The following DENR variants were observed in gnomAD, a reference collection of about 807,000 sequenced individuals.
DENR encodes the protein density regulated re-initiation and release factor.
In DENR, 6 loss-of-function variants were observed where a neutral mutation model predicts 30.6. The observed-to-expected ratio is 0.20, with a 90% confidence interval of 0.11 to 0.39. The LOEUF (loss-of-function observed/expected upper bound fraction) is 0.39. Ranked by LOEUF, DENR falls within the 10% of genes least tolerant of loss-of-function variation. The pLI, the probability that DENR is intolerant of heterozygous loss-of-function variation, is 1.00. For synonymous variants in DENR, 78 were observed against 72.1 expected (o/e 1.08, Z -0.41); for missense variants, 141 against 230.9 (o/e 0.61, Z 2.52).
In DENR at chr12:122,770,770, A is replaced by G; in HGVS notation, c.*1692A>G. On this transcript the variant is annotated 3_prime_UTR_variant, in exon 8 of 8. Transcript: ENST00000280557. ...AATGAGTGTTTTTTAAAAATAAAGT[A>G]TTAGAAAAATGTGTAGTAAAGATGT... 1 of 398,466 alleles carries G rather than the reference A, an allele frequency of 2.5e-6. No individual in the cohort carries two copies. Among genetic ancestry groups the G allele is most frequent in the Non-Finnish European group, 4.4e-6 (1 of 226,016 alleles). 24.7% of individuals were successfully genotyped at this position (398,466 alleles called of 1,614,324 possible). A position where few individuals can be genotyped will look rare whatever the true frequency, so the allele number is the denominator to read the frequency against.
At chr12:122,766,410 C>A (rs917847040) in intron 5 of DENR, among the ~76,000 whole-genome samples, 1 of 152,090 alleles carries the variant, frequency 6.6e-6, no homozygotes, top group African/African-American at 2.4e-5. Context: ...GGATTCTGTC[C>A]TAGGCCCACT....
At chr12:122,763,185 A>G (rs1396407982) in intron 4 of DENR, 5 of 285,354 alleles carry the variant, frequency 1.8e-5, no homozygotes, top group Non-Finnish European at 3.3e-5. Flanking sequence ...GCGGATCACA[A>G]GGTCAGGAGA....
intron 2 of DENR, among the ~76,000 whole-genome samples, chr12:122,760,480 C>G (rs1397356840): frequency 6.6e-6 from 1 of 152,008 alleles, no homozygotes; most frequent in Admixed American, 6.6e-5. Context: ...TCCTGTAATC[C>G]CAGCACTTTG....
Position 122,769,015 on chromosome 12 carries a change from AATT to A in DENR, c.553-15_553-13del. On this transcript the variant is annotated splice_polypyrimidine_tract_variant and intron_variant, in intron 7 of 7. Coordinates refer to ENST00000280557, the MANE Select transcript of DENR (RefSeq NM_003677.5). ...ATTGCAACCACAACTCATGAGATAT[AATT>A]ATTTGTGTTTTATAGGTAGATGATG... is the stretch of plus-strand genomic sequence containing the variant. 6.2e-7 allele frequency: 1 copy of A among 1,609,540 alleles called. No individual in the cohort carries two copies. Among genetic ancestry groups the A allele is most frequent in the Non-Finnish European group, 8.5e-7 (1 of 1,178,484 alleles).
intron 1 of DENR, among the ~76,000 whole-genome samples, chr12:122,753,470 C>T (rs1484597848): frequency 6.6e-6 from 1 of 152,184 alleles, no homozygotes; most frequent in Non-Finnish European, 1.5e-5. Flanking sequence ...CTGCCCCATC[C>T]TTCATGGTCC....
chr12:122,768,375 G>A (rs890351565), intron 6 of DENR, among the ~76,000 whole-genome samples: 1 of 152,100 alleles, frequency 6.6e-6, no homozygotes, highest in Non-Finnish European at 1.5e-5. Flanking sequence ...GCACATGCCT[G>A]TAATCCCAGC....
chr12:122,767,879 A>AC (rs1348460063), intron 6 of DENR, among the ~76,000 whole-genome samples: 2 of 152,146 alleles, frequency 1.3e-5, no homozygotes, highest in African/African-American at 4.8e-5. Context: ...TCTCTTTGAA[A>AC]CCAGCCAATG....
chr12:122,760,568 A>G lies in DENR; in HGVS notation c.107-1619A>G, dbSNP rs372349451. 2.0e-4 allele frequency among the ~76,000 whole-genome samples: 30 copies of G among 152,166 alleles called. No individual in the cohort carries two copies. In the East Asian group the frequency reaches 5.4e-3, roughly 27 times the overall value. Reference sequence around the variant, plus strand: ...AATACTGTGAAACCCCGTCTTTACTAAAAATACAAAAAATTAGCCGGGCGC... The same window carrying G: ...AATACTGTGAAACCCCGTCTTTACTGAAAATACAAAAAATTAGCCGGGCGC... On this transcript the variant is annotated intron_variant, in intron 2 of 7. Transcript: ENST00000280557.
In DENR at chr12:122,770,871, C is replaced by T. The variant is rs770229659; in HGVS notation, c.*1793C>T. On this transcript the variant is annotated 3_prime_UTR_variant, in exon 8 of 8. Transcript: ENST00000280557. The stretch of plus-strand genomic sequence containing the variant: ...TTACTGGTGAAGCAGATTTATCCAT[C>T]GAGACTATCTGGTATGCGTTATGTA... 1.5e-5 allele frequency: 6 copies of T among 395,910 alleles called. No individual in the cohort carries two copies. The highest frequency in any genetic ancestry group is 1.4e-4 in the South Asian group (1 of 7,018). The allele number at this position is 395,910 out of a possible 1,614,324, so 24.5% of individuals were successfully genotyped here.
intron 5 of DENR, among the ~76,000 whole-genome samples, chr12:122,766,713 C>T (rs991243258): frequency 3.3e-5 from 5 of 152,212 alleles, no homozygotes; most frequent in African/African-American, 1.2e-4. Context: ...CATTCTCTTT[C>T]TCCCTTTACT....
At chr12:122,754,176 C>T (rs991395498) in intron 2 of DENR, 5 of 261,592 alleles carry the variant, frequency 1.9e-5, no homozygotes, top group Non-Finnish European at 3.8e-5. Context: ...CCAGACAAAG[C>T]GCACGACTAT....
chr12:122,762,512 A>G (rs111506123), intron 3 of DENR, among the ~76,000 whole-genome samples: 1 of 152,222 alleles, frequency 6.6e-6, no homozygotes, highest in African/African-American at 2.4e-5. Flanking sequence ...ACAAATGAGC[A>G]GAGGAAAGAA....
rs993934217 is a variant in DENR, at chr12:122,752,966, G to GCTT, written c.-10+19_-10+21dup. 7 of 152,406 alleles carry GCTT rather than the reference G, an allele frequency of 4.6e-5. No individual in the cohort carries two copies. Among genetic ancestry groups the GCTT allele is most frequent in the African/African-American group, 1.7e-4 (7 of 41,474 alleles). The allele number at this position is 152,406 out of a possible 1,614,324, so 9.4% of individuals were successfully genotyped here. ...GACCGCCTGGGTAACGACCCCAAGT[G>GCTT]CTTCTCCCGCTCCCGAGAAGCTCGT... On this transcript the variant is annotated intron_variant, in intron 1 of 7. Coordinates refer to ENST00000280557, the MANE Select transcript of DENR (RefSeq NM_003677.5).
At chr12:122,761,060 C>T (rs1878686723) in intron 2 of DENR, among the ~76,000 whole-genome samples, 1 of 152,002 alleles carries the variant, frequency 6.6e-6, no homozygotes, top group African/African-American at 2.4e-5. Flanking sequence ...CTGCAGTGAG[C>T]CATGGACACA....
Position 122,769,512 on chromosome 12 carries a change from C to G in DENR, c.*434C>G. 1.0e-6 allele frequency: 1 copy of G among 958,798 alleles called. No homozygotes were observed. Among genetic ancestry groups the G allele is most frequent in the Non-Finnish European group, 1.2e-6 (1 of 808,126 alleles). The allele number at this position is 958,798 out of a possible 1,614,324, so 59.4% of individuals were successfully genotyped here. A position where few individuals can be genotyped will look rare whatever the true frequency, so the allele number is the denominator to read the frequency against. ...ACTGACTTTCTCTCTCTCTCTCTCT[C>G]TCTTTTTTTTTTTTGACAGAGTCTC... is the stretch of plus-strand genomic sequence containing the variant. On this transcript the variant is annotated 3_prime_UTR_variant, in exon 8 of 8. Transcript: ENST00000280557.
intron 6 of DENR, 119 bp from the exon 7 acceptor site, chr12:122,768,663 A>G (rs1878912918): frequency 1.1e-6 from 1 of 919,080 alleles, no homozygotes; most frequent in Admixed American, 2.9e-5. Flanking sequence ...TGAAAGGAAT[A>G]TAAAACCCAT....
At chr12:122,764,883 A>T (rs903726039) in intron 4 of DENR, among the ~76,000 whole-genome samples, 4 of 152,096 alleles carry the variant, frequency 2.6e-5, no homozygotes, top group Non-Finnish European at 5.9e-5. Flanking sequence ...TTGAATAAGA[A>T]CCCTCAAGTC....
chr12:122,759,913 A>C (rs2135509533), intron 2 of DENR, among the ~76,000 whole-genome samples: 1 of 152,278 alleles, frequency 6.6e-6, no homozygotes, highest in East Asian at 1.9e-4. Flanking sequence ...CTTTGGTGGA[A>C]ATAACCCTAA....
chr12:122,764,800 G>C (rs376809978), intron 4 of DENR, among the ~76,000 whole-genome samples: 1 of 152,216 alleles, frequency 6.6e-6, no homozygotes, highest in South Asian at 2.1e-4. Flanking sequence ...ACTTTCAAGT[G>C]ATTTCCCTGA....
Sources: gnomAD v4.1 joint callset for allele counts (sites outside exome capture counted in the v4.1 genomes callset) on GRCh38, gnomAD v4.1.1 for gene constraint, MANE v1.5 for transcripts, NCBI Gene and HGNC (gene_info 2026-07-23, HGNC 2026-07-21) for gene names.